Variants in ADGRL3 observed in about 807,000 individuals in gnomAD.
The protein encoded by ADGRL3 is adhesion G protein-coupled receptor L3.
Under a neutral mutation model 153.5 loss-of-function variants are expected in ADGRL3, and 62 were observed. That is an observed-to-expected ratio of 0.40 (90% CI 0.33 to 0.50). The LOEUF (loss-of-function observed/expected upper bound fraction) is 0.50, where lower values mean the gene tolerates loss of function less well. Among genes scored for constraint, ADGRL3 ranks in the 20% least tolerant of loss-of-function variants. The probability of loss-of-function intolerance (pLI) is 0.47; values close to 1 mark genes in which losing one functional copy is unlikely to be tolerated. For missense variants in ADGRL3, 1,641 were observed against 1,859.4 expected (o/e 0.88, Z 2.16); for synonymous variants, 710 against 672.5 (o/e 1.06, Z -0.86).
chr4:61,412,255 A>G (rs753510656), intron 2 of ADGRL3, among the ~76,000 whole-genome samples: 4 of 151,910 alleles, frequency 2.6e-5, no homozygotes, highest in Non-Finnish European at 2.9e-5. Flanking sequence ...CTATTTTTTT[A>G]ATAAATTTTT....
chr4:61,357,907 A>C (rs2096208245), intron 1 of ADGRL3, among the ~76,000 whole-genome samples: 1 of 152,210 alleles, frequency 6.6e-6, no homozygotes, highest in African/African-American at 2.4e-5. Context: ...AGGTTTAAAT[A>C]AACAATATAG....
chr4:61,736,795 CTT>C (rs1176889842), intron 8 of ADGRL3, among the ~76,000 whole-genome samples: 3 of 152,170 alleles, frequency 2.0e-5, no homozygotes, highest in Non-Finnish European at 4.4e-5. Context: ...ACAATTAAGA[CTT>C]TGTCTGTTTT....
At chr4:61,457,505 C>A (rs974303098) in intron 2 of ADGRL3, among the ~76,000 whole-genome samples, 1 of 151,898 alleles carries the variant, frequency 6.6e-6, no homozygotes, top group Non-Finnish European at 1.5e-5. Flanking sequence ...TGTTCTGCAG[C>A]AGCTTGGTTT....
intron 12 of ADGRL3, among the ~76,000 whole-genome samples, chr4:61,911,585 A>AAT (rs1272668969): frequency 6.6e-6 from 1 of 152,140 alleles, no homozygotes; most frequent in African/African-American, 2.4e-5. Context: ...AGTACAAATC[A>AAT]ATCGTGCTCT....
At chr4:61,333,529 T>C (rs549133906) in intron 1 of ADGRL3, among the ~76,000 whole-genome samples, 1 of 152,316 alleles carries the variant, frequency 6.6e-6, no homozygotes, top group Admixed American at 6.5e-5. Context: ...TTTAGTTTTA[T>C]GGCATTTCTT....
At chr4:61,346,382 T>C (rs2095907909) in intron 1 of ADGRL3, among the ~76,000 whole-genome samples, 1 of 148,056 alleles carries the variant, frequency 6.8e-6, no homozygotes, top group Non-Finnish European at 1.5e-5. Context: ...GGGGAGAAAA[T>C]TAAAGTCGTT....
rs145769965 is a variant in ADGRL3, at chr4:61,399,501, T to A, written c.-174+16312T>A. On this transcript the variant is annotated intron_variant, in intron 2 of 26. Transcript: ENST00000683033. ...TAGGTTCATTTCATTAATTTTCAAG[T>A]TCTGTTTTACAAATGCCATGTGTGC... is the stretch of plus-strand genomic sequence containing the variant. 1.8e-3 allele frequency among the ~76,000 whole-genome samples: 272 copies of A among 151,774 alleles called. 2 individuals are homozygous for A. Among genetic ancestry groups the A allele is most frequent in the African/African-American group, 6.3e-3 (263 of 41,528 alleles).
At chr4:62,051,134 T>C (rs1733905355) in intron 25 of ADGRL3, among the ~76,000 whole-genome samples, 1 of 132,150 alleles carries the variant, frequency 7.6e-6, no homozygotes, top group Non-Finnish European at 1.5e-5. Flanking sequence ...TATATGTGTG[T>C]ATATATATAT....
intron 9 of ADGRL3, among the ~76,000 whole-genome samples, chr4:61,836,653 G>A (rs915319379): frequency 2.0e-5 from 3 of 151,880 alleles, no homozygotes; most frequent in South Asian, 2.1e-4. Flanking sequence ...GAATAACAAC[G>A]TTATTCATGA....
chr4:61,859,744 G>A (rs967118162), intron 9 of ADGRL3, among the ~76,000 whole-genome samples: 2 of 152,160 alleles, frequency 1.3e-5, no homozygotes, highest in African/African-American at 4.8e-5. Context: ...CTATGTGTCT[G>A]CGATAATGAT....
chr4:62,037,423 A>G (rs570330385), intron 23 of ADGRL3, among the ~76,000 whole-genome samples: 80 of 152,230 alleles, frequency 5.3e-4, no homozygotes, highest in African/African-American at 1.8e-3. Flanking sequence ...AGTATCTTCA[A>G]TGGGCTTAAG....
At chr4:61,607,158 G>A (rs1474797384) in intron 5 of ADGRL3, among the ~76,000 whole-genome samples, 1 of 152,126 alleles carries the variant, frequency 6.6e-6, no homozygotes, top group Non-Finnish European at 1.5e-5. Flanking sequence ...TGATGAGTGG[G>A]GGATGCAATC....
intron 8 of ADGRL3, among the ~76,000 whole-genome samples, chr4:61,755,581 C>G (rs2096817501): frequency 6.6e-6 from 1 of 152,136 alleles, no homozygotes; most frequent in South Asian, 2.1e-4. Context: ...CCTGTTCACT[C>G]TGATGGTAGT....
intron 25 of ADGRL3, among the ~76,000 whole-genome samples, chr4:62,066,006 C>G (rs1190276800): frequency 6.6e-6 from 1 of 151,920 alleles, no homozygotes; most frequent in Non-Finnish European, 1.5e-5. Flanking sequence ...CTTTTACTGA[C>G]TTTTTTAAAA....
intron 2 of ADGRL3, among the ~76,000 whole-genome samples, chr4:61,471,957 T>C (rs1266835934): frequency 6.6e-6 from 1 of 152,062 alleles, no homozygotes. Flanking sequence ...ATTATTGTAT[T>C]ATGCACAACA....
rs537116770 is a variant in ADGRL3 at position 61,946,491 on chromosome 4, C to T, written c.2420-423C>T. Among the ~76,000 whole-genome samples, 3 of 151,722 alleles carry T rather than the reference C, an allele frequency of 2.0e-5. No individual in the cohort carries two copies. The South Asian group carries it at 6.3e-4, about 32-fold the overall frequency. On this transcript the variant is annotated intron_variant, in intron 15 of 26. Coordinates refer to ENST00000683033, the MANE Select transcript of ADGRL3 (RefSeq NM_001387552.1). ...GTATTTCAGTTTCCTTGTTTGTTTT[C>T]TTAATGATATATTTTGATAGATTGT...
At chr4:61,981,913 A>T (rs562104493) in intron 18 of ADGRL3, among the ~76,000 whole-genome samples, 27 of 152,294 alleles carry the variant, frequency 1.8e-4, no homozygotes, top group African/African-American at 6.3e-4. Context: ...TATATTTTTA[A>T]TTGGGCATCA....
At chr4:61,400,958 AT>A (rs919602179) in intron 2 of ADGRL3, among the ~76,000 whole-genome samples, 6 of 151,386 alleles carry the variant, frequency 4.0e-5, no homozygotes, top group Non-Finnish European at 8.9e-5. Flanking sequence ...TTAAATGATT[AT>A]TTTTATAGCA....
At chr4:61,311,012 G>T (rs1048372762) in intron 1 of ADGRL3, among the ~76,000 whole-genome samples, 1 of 151,400 alleles carries the variant, frequency 6.6e-6, no homozygotes, top group African/African-American at 2.4e-5. Context: ...CTTAGGCAAG[G>T]ACATATTACT....
Sources: gnomAD v4.1 joint callset for allele counts (sites outside exome capture counted in the v4.1 genomes callset) on GRCh38, gnomAD v4.1.1 for gene constraint, MANE v1.5 for transcripts, NCBI Gene and HGNC (gene_info 2026-07-23, HGNC 2026-07-21) for gene names.